Variants in CACNA2D3 observed in about 807,000 individuals in gnomAD.
CACNA2D3 encodes the protein voltage-dependent calcium channel subunit alpha-2/delta-3.
A neutral mutation model predicts 160.6 loss-of-function variants in CACNA2D3; 60 were observed. The observed-to-expected ratio is 0.37, with a 90% CI of 0.30 to 0.46. The LOEUF is 0.46. CACNA2D3 is among the 20% of genes least tolerant of loss of function. The pLI, the probability that CACNA2D3 is intolerant of heterozygous loss-of-function variation, is 1.00. For missense variants in CACNA2D3, 1,205 were observed against 1,365.0 expected (o/e 0.88, Z 1.85); for synonymous variants, 558 against 492.9 (o/e 1.13, Z -1.75).
intron 4 of CACNA2D3, among the ~76,000 whole-genome samples, chr3:54,501,730 C>G (rs1263169708): frequency 6.6e-6 from 1 of 152,146 alleles, no homozygotes; most frequent in Non-Finnish European, 1.5e-5. Flanking sequence ...AAACATTCTT[C>G]CTGTCTTAAT....
intron 18 of CACNA2D3, chr3:54,874,662 A>G (rs1699618068): frequency 6.6e-6 from 1 of 152,154 alleles, no homozygotes; most frequent in Admixed American, 6.5e-5. Context: ...TTTTATCTCC[A>G]TTGTACAGGT....
intron 29 of CACNA2D3, among the ~76,000 whole-genome samples, chr3:54,970,576 T>C (rs1575414873): frequency 4.9e-5 from 5 of 101,044 alleles, no homozygotes; most frequent in Admixed American, 1.0e-4. Context: ...CTCTCCTCCC[T>C]TCCCCTCCCC....
intron 4 of CACNA2D3, among the ~76,000 whole-genome samples, chr3:54,427,772 G>A (rs1185893003): frequency 6.6e-6 from 1 of 152,176 alleles, no homozygotes; most frequent in Non-Finnish European, 1.5e-5. Context: ...CATCCCCAAG[G>A]TCAGACAGGT....
At chr3:54,987,992 C>A (rs1376426865) in intron 31 of CACNA2D3, among the ~76,000 whole-genome samples, 1 of 152,020 alleles carries the variant, frequency 6.6e-6, no homozygotes, top group African/African-American at 2.4e-5. Flanking sequence ...TTATTGGAGG[C>A]CAGTATTGAA....
intron 9 of CACNA2D3, among the ~76,000 whole-genome samples, chr3:54,589,927 G>A (rs974711353): frequency 3.9e-5 from 6 of 152,208 alleles, no homozygotes; most frequent in Non-Finnish European, 8.8e-5. Context: ...AGGATGTGGA[G>A]AAACAGGATC....
chr3:54,344,214 C>T (rs1698415827), intron 3 of CACNA2D3, among the ~76,000 whole-genome samples: 1 of 152,208 alleles, frequency 6.6e-6, no homozygotes, highest in Admixed American at 6.5e-5. Context: ...CTCCCGTAGG[C>T]TCCCTCCTCT....
chr3:54,610,576 T>C (rs1698732137), intron 9 of CACNA2D3, among the ~76,000 whole-genome samples: 1 of 152,174 alleles, frequency 6.6e-6, no homozygotes, highest in South Asian at 2.1e-4. Context: ...ATCTGGCTTC[T>C]ATATTTCAGA....
At chr3:54,540,302 T>TC (rs1701951978) in intron 5 of CACNA2D3, among the ~76,000 whole-genome samples, 1 of 152,170 alleles carries the variant, frequency 6.6e-6, no homozygotes, top group Non-Finnish European at 1.5e-5. Flanking sequence ...TGATGACTGG[T>TC]AAATGTTGAC....
At chr3:54,487,611 A>G (rs958984242) in intron 4 of CACNA2D3, among the ~76,000 whole-genome samples, 5 of 152,186 alleles carry the variant, frequency 3.3e-5, no homozygotes, top group Non-Finnish European at 5.9e-5. Flanking sequence ...CAAGATTAAA[A>G]ATATTTCTCT....
At chr3:54,668,428 T>C (rs557091142) in intron 11 of CACNA2D3, among the ~76,000 whole-genome samples, 6 of 152,290 alleles carry the variant, frequency 3.9e-5, no homozygotes, top group Admixed American at 3.9e-4. Context: ...GAAGCTGACA[T>C]GTGGGTTCAC....
At position 54,602,555 on chromosome 3, in the gene CACNA2D3, A is replaced by C. The variant is rs114850331; in HGVS notation, c.963+20678A>C. Among the ~76,000 whole-genome samples the C allele has an allele frequency of 1.3e-3, 198 of 151,912 alleles. 1 individual carries two copies. The highest frequency in any genetic ancestry group is 4.6e-3 in the African/African-American group (191 of 41,460). ...AGAAAAAAGAGAGCAGCAGCAGAGC[A>C]TTAAACCAAGGGCAGAGGCCGTCTG... On this transcript the variant is annotated intron_variant, in intron 9 of 37. Transcript: ENST00000474759.
intron 9 of CACNA2D3, among the ~76,000 whole-genome samples, chr3:54,596,582 C>T (rs1340730208): frequency 1.3e-5 from 2 of 152,018 alleles, no homozygotes; most frequent in South Asian, 2.1e-4. Context: ...TAGGCCCCCT[C>T]GTCAAGCCCT....
intron 13 of CACNA2D3, among the ~76,000 whole-genome samples, chr3:54,769,972 G>A (rs1702289781): frequency 6.6e-6 from 1 of 152,100 alleles, no homozygotes; most frequent in South Asian, 2.1e-4. Context: ...CACTAGCCAG[G>A]CAGAACCTTT....
At chr3:54,155,577 A>G (rs1700231297) in intron 2 of CACNA2D3, among the ~76,000 whole-genome samples, 1 of 152,246 alleles carries the variant, frequency 6.6e-6, no homozygotes. Context: ...TAAATACAAC[A>G]TCGAGATTTT....
chr3:54,827,399 A>G (rs973544683), intron 14 of CACNA2D3, among the ~76,000 whole-genome samples: 11 of 152,392 alleles, frequency 7.2e-5, no homozygotes, highest in African/African-American at 2.6e-4. Flanking sequence ...AAGGATGGAA[A>G]GATAGATCAA....
chr3:54,571,885 C>G (rs1702504722), intron 8 of CACNA2D3, among the ~76,000 whole-genome samples: 1 of 152,136 alleles, frequency 6.6e-6, no homozygotes, highest in Non-Finnish European at 1.5e-5. Flanking sequence ...TCACCTTGCC[C>G]ACAGGGTTGC....
At chr3:54,775,742 C>A (rs1702413795) in intron 13 of CACNA2D3, among the ~76,000 whole-genome samples, 1 of 152,030 alleles carries the variant, frequency 6.6e-6, no homozygotes, top group African/African-American at 2.4e-5. Flanking sequence ...TTCTGATGAT[C>A]AAACACTGGC....
rs540016452 is a variant in CACNA2D3 at position 54,925,294 on chromosome 3, C to T, written c.2449+25426C>T. Reference sequence around the variant, plus strand: ...CAGCACTTTTCCGCCTTTGAATTTACAGGTAATGTGCTTTCCAGCCAGGTG... The same window carrying T: ...CAGCACTTTTCCGCCTTTGAATTTATAGGTAATGTGCTTTCCAGCCAGGTG... On this transcript the variant is annotated intron_variant, in intron 27 of 37. Transcript: ENST00000474759. The T allele has an allele frequency of 5.6e-5, 67 of 1,199,442 alleles. No homozygotes were observed. In the South Asian group the frequency reaches 8.3e-4, roughly 15 times the overall value. The allele number at this position is 1,199,442 out of a possible 1,614,324, so 74.3% of individuals were successfully genotyped here.
intron 24 of CACNA2D3, among the ~76,000 whole-genome samples, chr3:54,890,856 G>A (rs887442128): frequency 2.0e-5 from 3 of 152,164 alleles, no homozygotes; most frequent in African/African-American, 4.8e-5. Context: ...TTCCAACTAC[G>A]TGGAATTCCA....
Sources: gnomAD v4.1 joint callset for allele counts (sites outside exome capture counted in the v4.1 genomes callset) on GRCh38, gnomAD v4.1.1 for gene constraint, MANE v1.5 for transcripts, NCBI Gene and HGNC (gene_info 2026-07-23, HGNC 2026-07-21) for gene names.